The following TFDP1 variants were observed in gnomAD, a reference collection of about 807,000 sequenced individuals.
TFDP1 encodes transcription factor Dp-1, also known as DRTF1-polypeptide 1.
A neutral mutation model predicts 48.0 loss-of-function variants in TFDP1; 6 were observed. The ratio of observed to expected loss-of-function variants is 0.13; its 90% CI spans 0.07 to 0.25. The LOEUF (loss-of-function observed/expected upper bound fraction) is 0.25. Among genes scored for constraint, TFDP1 ranks in the 10% least tolerant of loss-of-function variants. TFDP1 has a pLI of 1.00. For synonymous variants in TFDP1, 201 were observed against 211.6 expected (o/e 0.95, Z 0.44); for missense variants, 335 against 543.0 (o/e 0.62, Z 3.81).
intron 4 of TFDP1, among the ~76,000 whole-genome samples, chr13:113,628,653 T>A (rs2049254264): frequency 6.6e-6 from 1 of 152,222 alleles, no homozygotes; most frequent in Admixed American, 6.5e-5. Flanking sequence ...CACTTCTCCC[T>A]TCCAGGGTCT....
chr13:113,600,852 C>T (rs1452011366), intron 2 of TFDP1, among the ~76,000 whole-genome samples: 2 of 144,164 alleles, frequency 1.4e-5, no homozygotes, highest in African/African-American at 2.8e-5. Context: ...ACTCCAGGAC[C>T]GTGATAGAGA....
chr13:113,594,308 G>C (rs555953741), intron 2 of TFDP1, among the ~76,000 whole-genome samples: 1 of 151,090 alleles, frequency 6.6e-6, no homozygotes, highest in Non-Finnish European at 1.5e-5. Context: ...CTGTGTGTGG[G>C]TCCTCACCCT....
In TFDP1 at chr13:113,589,811, C is replaced by G. The variant is rs576442922; in HGVS notation, c.12+3962C>G. Among the ~76,000 whole-genome samples the G allele has an allele frequency of 9.3e-4, 142 of 152,294 alleles. 1 individual carries two copies. The highest frequency in any genetic ancestry group is 3.2e-3 in the African/African-American group (132 of 41,590). On this transcript the variant is annotated intron_variant, in intron 2 of 11. Transcript: ENST00000375370. Reference sequence around the variant, plus strand: ...AGGGCCCTTGGGTGAGGGAGTGTGGCTTGGCACTGGCATCTCAGCCTGCGG... The same window carrying G: ...AGGGCCCTTGGGTGAGGGAGTGTGGGTTGGCACTGGCATCTCAGCCTGCGG...
Position 113,598,251 on chromosome 13 carries a change from G to A in TFDP1, c.12+12402G>A, listed in dbSNP as rs371324944. Among the ~76,000 whole-genome samples, 2 of 152,184 alleles carry A rather than the reference G, an allele frequency of 1.3e-5. No homozygotes were observed. Among genetic ancestry groups the A allele is most frequent in the African/African-American group, 4.8e-5 (2 of 41,454 alleles). ...AAAGACAGCGGGAGGCAGGATGCAA[G>A]CACCTTTTTAACGGCTGTGGAACTG... On this transcript the variant is annotated intron_variant, in intron 2 of 11. Coordinates refer to ENST00000375370, the MANE Select transcript of TFDP1 (RefSeq NM_007111.5). The surrounding 1 kb of genome is among the most constrained non-coding windows in gnomAD (Gnocchi z 4.2).
intron 2 of TFDP1, among the ~76,000 whole-genome samples, chr13:113,604,723 G>A (rs1418590321): frequency 6.6e-6 from 1 of 152,188 alleles, no homozygotes; most frequent in Non-Finnish European, 1.5e-5. Context: ...AGGACCCCTG[G>A]TAGTTCTGTG....
rs148204549 is a variant in TFDP1, at chr13:113,613,699, G to T, written c.79+2637G>T. 5.5e-3 allele frequency among the ~76,000 whole-genome samples: 816 copies of T among 148,760 alleles called. 8 individuals carry two copies. The highest frequency in any genetic ancestry group is 0.02 in the African/African-American group (789 of 39,316). On this transcript the variant is annotated intron_variant, in intron 3 of 11. Transcript: ENST00000375370. ...TGTGCATGAGTGTGTGTGTGTATGC[G>T]TGAATGCGTGGGTATGTGAGGAGTG... is the stretch of plus-strand genomic sequence containing the variant.
In TFDP1 at chr13:113,640,875, ACT is replaced by A. The variant is rs2049624704; in HGVS notation, c.*611_*612del. 6.6e-6 allele frequency: 1 copy of A among 152,550 alleles called. No individual in the cohort carries two copies. The highest frequency in any genetic ancestry group is 2.4e-5 in the African/African-American group (1 of 41,292). 9.4% of individuals were successfully genotyped at this position (152,550 alleles called of 1,614,324 possible). ...TGTTGTGATTCCATCAAGTTTGTAC[ACT>A]CTTTTCTCTCCCTGTTTTGCAGCAA... On this transcript the variant is annotated 3_prime_UTR_variant, in exon 12 of 12. Coordinates refer to ENST00000375370, the MANE Select transcript of TFDP1 (RefSeq NM_007111.5).
rs1455979626 is a variant in TFDP1, at chr13:113,618,391, G to A, written c.80-4789G>A. ...ACAAAAATTAGCCGGGTATGGTTGT[G>A]CGAGCCTGTAGTACCAGCTACTTGG... On this transcript the variant is annotated intron_variant, in intron 3 of 11. Coordinates refer to ENST00000375370, the MANE Select transcript of TFDP1 (RefSeq NM_007111.5). Among the ~76,000 whole-genome samples, 3 of 152,146 alleles carry A rather than the reference G, an allele frequency of 2.0e-5. No individual in the cohort carries two copies. In the East Asian group the frequency reaches 5.8e-4, roughly 29 times the overall value.
chr13:113,616,765 A>G (rs978471790), intron 3 of TFDP1, among the ~76,000 whole-genome samples: 1 of 152,160 alleles, frequency 6.6e-6, no homozygotes, highest in Non-Finnish European at 1.5e-5. Flanking sequence ...GCCCCCCGAC[A>G]CACGCACTGG....
At chr13:113,619,111 A>C (rs904551887) in intron 3 of TFDP1, among the ~76,000 whole-genome samples, 5 of 152,334 alleles carry the variant, frequency 3.3e-5, no homozygotes, top group African/African-American at 1.2e-4. Context: ...ATAACAGTGA[A>C]TTTTAAGTGT....
At chr13:113,615,631 C>T (rs1433096219) in intron 3 of TFDP1, among the ~76,000 whole-genome samples, 1 of 152,202 alleles carries the variant, frequency 6.6e-6, no homozygotes, top group Non-Finnish European at 1.5e-5. Flanking sequence ...AGGCCAGGTG[C>T]AGGGGCTCAC....
rs951953989 is a variant in TFDP1, at chr13:113,627,382, GGAGAAGCAGCCCC to G, written c.186+4097_186+4109del. On this transcript the variant is annotated intron_variant, in intron 4 of 11. Coordinates refer to ENST00000375370, the MANE Select transcript of TFDP1 (RefSeq NM_007111.5). The surrounding 1 kb of genome is among the most constrained non-coding windows in gnomAD (Gnocchi z 4.1). ...AGCAGCGGCCTGTGTGAGCCCCTGG[GGAGAAGCAGCCCC>G]CCACCCAGGCCTGTGTCCCAGAAGT... Among the ~76,000 whole-genome samples, 9 of 152,158 alleles carry G rather than the reference GGAGAAGCAGCCCC, an allele frequency of 5.9e-5. No individual in the cohort carries two copies. The highest frequency in any genetic ancestry group is 2.2e-4 in the African/African-American group (9 of 41,452).
intron 3 of TFDP1, among the ~76,000 whole-genome samples, chr13:113,619,470 C>CAAAAAA (rs950584099): frequency 1.1e-4 from 7 of 63,310 alleles, no homozygotes; most frequent in South Asian, 5.0e-4. Flanking sequence ...GACTCCATCT[C>CAAAAAA]AAAAAAAAAA....
intron 2 of TFDP1, among the ~76,000 whole-genome samples, chr13:113,601,583 C>CCA (rs1273425426): frequency 6.6e-6 from 1 of 152,218 alleles, no homozygotes; most frequent in Non-Finnish European, 1.5e-5. Context: ...ATGGCTAGGG[C>CCA]CACCGGAGGT....
At position 113,598,674 on chromosome 13, in the gene TFDP1, G is replaced by C. The variant is rs2048340672; in HGVS notation, c.13-12322G>C. On this transcript the variant is annotated intron_variant, in intron 2 of 11. Transcript: ENST00000375370. The surrounding 1 kb of genome is among the most constrained non-coding windows in gnomAD (Gnocchi z 4.2). The stretch of plus-strand genomic sequence containing the variant: ...GACCTGGGGTTCGTGTTGCCCTCCT[G>C]GGTGGAGTCTGCGTCCCCCTTTCCT... 6.6e-6 allele frequency among the ~76,000 whole-genome samples: 1 copy of C among 152,196 alleles called. No homozygotes were observed. Among genetic ancestry groups the C allele is most frequent in the Non-Finnish European group, 1.5e-5 (1 of 68,034 alleles).
chr13:113,599,067 C>T (rs2048349542), intron 2 of TFDP1, among the ~76,000 whole-genome samples: 1 of 152,080 alleles, frequency 6.6e-6, no homozygotes. Flanking sequence ...TGGGGATGCC[C>T]TAGATGTGTG....
In TFDP1 at chr13:113,623,651, C is replaced by T. The variant is rs1294913615; in HGVS notation, c.186+365C>T. Among the ~76,000 whole-genome samples the T allele has an allele frequency of 1.3e-5, 2 of 152,144 alleles. No individual in the cohort carries two copies. Among genetic ancestry groups the T allele is most frequent in the Non-Finnish European group, 2.9e-5 (2 of 67,998 alleles). On this transcript the variant is annotated intron_variant, in intron 4 of 11. Transcript: ENST00000375370. This position sits in a 1 kb window ranked among gnomAD's most constrained non-coding sequence, Gnocchi z 5.2. Reference sequence around the variant, plus strand: ...GGGCTTCTTACGTGATGTGGCCGAGCGTTGGCTGTGGCCCTCCTGGAGACA... The same window carrying T: ...GGGCTTCTTACGTGATGTGGCCGAGTGTTGGCTGTGGCCCTCCTGGAGACA...
intron 2 of TFDP1, among the ~76,000 whole-genome samples, chr13:113,601,472 C>T (rs909285657): frequency 7.1e-6 from 1 of 139,934 alleles, no homozygotes; most frequent in African/African-American, 2.9e-5. Flanking sequence ...CAGAGTCGGT[C>T]TCTTGAGGCC....
intron 3 of TFDP1, among the ~76,000 whole-genome samples, chr13:113,616,591 C>A (rs925484278): frequency 2.6e-5 from 4 of 152,166 alleles, no homozygotes; most frequent in African/African-American, 7.2e-5. Context: ...AAGAGCATCT[C>A]CCTTTGTTGT....
Sources: gnomAD v4.1 joint callset for allele counts (sites outside exome capture counted in the v4.1 genomes callset) on GRCh38, gnomAD v4.1.1 for gene constraint, Gnocchi (gnomAD v3.1) non-coding constraint, MANE v1.5 for transcripts, NCBI Gene and HGNC (gene_info 2026-07-23, HGNC 2026-07-21) for gene names.